Variants in PIWIL2 observed in about 807,000 individuals in gnomAD.
The protein encoded by PIWIL2 is piwi-like protein 2.
PIWIL2 carries 81 observed loss-of-function variants against 116.5 expected under a neutral mutation model. The observed-to-expected ratio is 0.70, with a 90% CI of 0.58 to 0.84. The LOEUF is 0.84. Ranked by LOEUF, PIWIL2 falls within the 40% of genes least tolerant of loss-of-function variation. The pLI, the probability that PIWIL2 is intolerant of heterozygous loss-of-function variation, is 0.00. For missense variants in PIWIL2, 1,272 were observed against 1,212.3 expected, an observed-to-expected ratio of 1.05 and a Z score of -0.73; for synonymous variants, 489 against 429.5, an observed-to-expected ratio of 1.14 and a Z score of -1.71.
Position 22,281,412 on chromosome 8 carries a change from C to T in PIWIL2, c.322C>T (p.Leu108=), listed in dbSNP as rs745820996. The T allele has an allele frequency of 6.2e-7, 1 of 1,608,236 alleles. No individual in the cohort carries two copies. Among genetic ancestry groups the T allele is most frequent in the Non-Finnish European group, 8.5e-7 (1 of 1,178,834 alleles). Residue 108 remains leucine, a synonymous_variant, in exon 4 of 23, where the codon CTG becomes TTG. Transcript: ENST00000356766. ...GILGRGLSAN[L]VRKDREELSP... is the part of the protein sequence containing the mutation. ...TTTAGGTCGAGGCTTGTCTGCTAAT[C>T]TGGTACGCAAGGACAGGGAGGAACT...
chr8:22,303,512 C>T (rs1831101728), intron 10 of PIWIL2, among the ~76,000 whole-genome samples: 1 of 152,186 alleles, frequency 6.6e-6, no homozygotes, highest in African/African-American at 2.4e-5. Context: ...CCACCTCCCT[C>T]AGTCTCTGGA....
At chr8:22,295,562 AT>A (rs1830877972) in intron 10 of PIWIL2, among the ~76,000 whole-genome samples, 1 of 151,582 alleles carries the variant, frequency 6.6e-6, no homozygotes, top group Non-Finnish European at 1.5e-5. Flanking sequence ...TTACCCCGTT[AT>A]GTCACACATG....
intron 20 of PIWIL2, among the ~76,000 whole-genome samples, chr8:22,351,031 G>GTCCCAGCTAC (rs1170509412): frequency 6.6e-6 from 1 of 151,850 alleles, no homozygotes; most frequent in Non-Finnish European, 1.5e-5. Flanking sequence ...GTCCCAGCTA[G>GTCCCAGCTAC]TCCCAGCTAC....
At position 22,290,282 on chromosome 8, in the gene PIWIL2, G is replaced by A; in HGVS notation, c.1117G>A (p.Gly373Arg). ...AGCTAGCATCCGAAGGACAGATGGA[G>A]GGCTCTTCCTGCTAGCTGATGTCTC... is the stretch of plus-strand genomic sequence containing the variant. ...YAASIRRTDGGLFLLADVSHK... is the reference protein window; with the variant it reads ...YAASIRRTDGRLFLLADVSHK... The change falls in exon 10 of 23, where the codon GGG becomes AGG. Residue 373 changes from glycine to arginine, a missense_variant. Physicochemically the swap from Gly to Arg is moderately radical, Grantham distance 125. Coordinates refer to ENST00000356766, the MANE Select transcript of PIWIL2 (RefSeq NM_018068.5). 6.2e-7 allele frequency: 1 copy of A among 1,612,746 alleles called. No individual in the cohort carries two copies. Among genetic ancestry groups the A allele is most frequent in the Non-Finnish European group, 8.5e-7 (1 of 1,178,814 alleles).
At chr8:22,291,396 C>A (rs541306860) in intron 10 of PIWIL2, among the ~76,000 whole-genome samples, 2 of 152,150 alleles carry the variant, frequency 1.3e-5, no homozygotes, top group Admixed American at 1.3e-4. Flanking sequence ...GGAGATCTGC[C>A]CGCCTCAGCC....
At chr8:22,291,596 T>A (rs185964510) in intron 10 of PIWIL2, among the ~76,000 whole-genome samples, 12 of 152,336 alleles carry the variant, frequency 7.9e-5, no homozygotes, top group African/African-American at 2.6e-4. Flanking sequence ...ATATCTAATA[T>A]AATATGATAG....
At chr8:22,316,486 G>T (rs572791200) in intron 19 of PIWIL2, among the ~76,000 whole-genome samples, 153 bp downstream of exon 19, 2 of 148,604 alleles carry the variant, frequency 1.3e-5, no homozygotes, top group Admixed American at 6.7e-5. Flanking sequence ...TTTTTTTTTC[G>T]GGGGGGAGGG....
rs750792356 is a variant in PIWIL2, at chr8:22,355,418, G to C, written c.2835G>C (p.Lys945Asn). Residue 945 changes from lysine to asparagine, a missense_variant, in exon 23 of 23, where the codon AAG becomes AAC. Lys to Asn is a moderately conservative substitution (Grantham distance 94). Coordinates refer to ENST00000356766, the MANE Select transcript of PIWIL2 (RefSeq NM_018068.5). ...PGTIRVPAPC[K>N]YAHKLAFLSG... ...CCATCAGAGTTCCAGCTCCTTGCAA[G>C]TATGCCCACAAGCTAGCTTTCCTGT... 1.2e-6 allele frequency: 2 copies of C among 1,614,168 alleles called. No individual in the cohort carries two copies. Among genetic ancestry groups the C allele is most frequent in the Non-Finnish European group, 1.7e-6 (2 of 1,180,006 alleles).
Position 22,281,172 on chromosome 8 carries a change from C to G in PIWIL2, c.251C>G (p.Ser84Cys), listed in dbSNP as rs773248145. 4 of 1,612,834 alleles carry G rather than the reference C, an allele frequency of 2.5e-6. No homozygotes were observed. The East Asian group carries it at 8.9e-5, about 36-fold the overall frequency. The stretch of plus-strand genomic sequence containing the variant: ...CGAGGCCTGGGCATTGAAACAGTTT[C>G]TAAGACCCCTCTGAAACGGGAAATG... ...MFRGLGIETV[S>C]KTPLKREMLP... Residue 84 changes from serine to cysteine, a missense_variant, in exon 3 of 23, where the codon TCT (serine) becomes TGT (cysteine). Coordinates refer to ENST00000356766, the MANE Select transcript of PIWIL2 (RefSeq NM_018068.5).
chr8:22,281,729 T>G (rs1465352401), intron 4 of PIWIL2, among the ~76,000 whole-genome samples: 1 of 151,848 alleles, frequency 6.6e-6, no homozygotes, highest in African/African-American at 2.4e-5. Flanking sequence ...TGTTCAAAAA[T>G]TCATTTGTCC....
intron 20 of PIWIL2, among the ~76,000 whole-genome samples, chr8:22,340,114 G>A (rs1428408775): frequency 1.4e-5 from 2 of 137,932 alleles, no homozygotes; most frequent in African/African-American, 5.5e-5. Flanking sequence ...GTGCAATGGT[G>A]CAATCTCAGC....
rs772407588 is a variant in PIWIL2, at chr8:22,311,143, C to A, written c.1832C>A (p.Pro611Gln). 1.2e-6 allele frequency: 2 copies of A among 1,612,620 alleles called. No individual in the cohort carries two copies. The highest frequency in any genetic ancestry group is 1.7e-5 in the Admixed American group (1 of 59,636). ...IPMHFWALFYPKRAMDQAREL... is the reference protein window; with the variant it reads ...IPMHFWALFYQKRAMDQAREL... Reference sequence around the variant, plus strand: ...ATGCATTTCTGGGCACTTTTTTACCCAAAGAGAGCAATGGACCAGGCTCGA... The same window carrying A: ...ATGCATTTCTGGGCACTTTTTTACCAAAAGAGAGCAATGGACCAGGCTCGA... The change falls in exon 16 of 23, where the codon CCA becomes CAA. Residue 611 changes from proline to glutamine, a missense_variant. Coordinates refer to ENST00000356766, the MANE Select transcript of PIWIL2 (RefSeq NM_018068.5).
Position 22,315,074 on chromosome 8 carries a change from G to A in PIWIL2, c.2137G>A (p.Val713Met). The A allele has an allele frequency of 6.2e-7, 1 of 1,613,920 alleles. No homozygotes were observed. The highest frequency in any genetic ancestry group is 2.2e-5 in the East Asian group (1 of 44,890). The change falls in exon 18 of 23, where the codon GTG becomes ATG. Residue 713 changes from valine (V) to methionine (M), a missense_variant. Val to Met is a conservative substitution (Grantham distance 21). Transcript: ENST00000356766. ...TIGQPTRLRS[V>M]AQKILLQINC... Reference sequence around the variant, plus strand: ...TGGTCAGCCCACCAGGCTTCGGAGTGTGGCCCAGAAGATTTTACTTCAGAT... The same window carrying A: ...TGGTCAGCCCACCAGGCTTCGGAGTATGGCCCAGAAGATTTTACTTCAGAT...
intron 20 of PIWIL2, among the ~76,000 whole-genome samples, chr8:22,350,052 C>T (rs1832320138): frequency 6.6e-6 from 1 of 152,172 alleles, no homozygotes; most frequent in South Asian, 2.1e-4. Context: ...TTGCTCCTGG[C>T]ATTTACTGAA....
At chr8:22,312,788 G>T (rs1470867353) in intron 16 of PIWIL2, among the ~76,000 whole-genome samples, 1 of 151,956 alleles carries the variant, frequency 6.6e-6, no homozygotes, top group Non-Finnish European at 1.5e-5. Flanking sequence ...CTGTACACGT[G>T]CACCACCACT....
intron 10 of PIWIL2, among the ~76,000 whole-genome samples, chr8:22,296,856 C>G (rs1249250373): frequency 6.6e-6 from 1 of 152,110 alleles, no homozygotes; most frequent in East Asian, 1.9e-4. Context: ...AGTGTGGACT[C>G]TGCTGGTGAC....
At chr8:22,350,315 G>T (rs1832325634) in intron 20 of PIWIL2, among the ~76,000 whole-genome samples, 1 of 152,158 alleles carries the variant, frequency 6.6e-6, no homozygotes, top group Non-Finnish European at 1.5e-5. Context: ...GGTACTACAG[G>T]CCAGGTATGG....
rs546657162 is a variant in PIWIL2, at chr8:22,311,214, C to G, written c.1903C>G (p.Arg635Gly). 6.2e-6 allele frequency: 10 copies of G among 1,613,946 alleles called. No individual in the cohort carries two copies. The highest frequency in any genetic ancestry group is 8.5e-6 in the Non-Finnish European group (10 of 1,179,964). ...LEKIAGPIGM[R>G]MSPPAWVELK... ...GAAGATAGCCGGCCCCATTGGCATG[C>G]GTATGAGCCCACCGGCCTGGGTTGA... Residue 635 changes from arginine to glycine, a missense_variant, in exon 16 of 23, where the codon CGT (arginine) becomes GGT (glycine). Transcript: ENST00000356766.
chr8:22,308,094 G>A, intron 14 of PIWIL2, 21 bp downstream of exon 14: 1 of 1,606,532 alleles, frequency 6.2e-7, no homozygotes, highest in African/African-American at 1.3e-5. Context: ...AAACGTGATG[G>A]TGTATGCACA....
Sources: gnomAD v4.1 joint callset for allele counts (sites outside exome capture counted in the v4.1 genomes callset) on GRCh38, gnomAD v4.1.1 for gene constraint, MANE v1.5 for transcripts, NCBI Gene and HGNC (gene_info 2026-07-23, HGNC 2026-07-21) for gene names.